Variants in KCNMA1 observed in about 807,000 individuals in gnomAD.
The protein encoded by KCNMA1 is potassium calcium-activated channel subfamily M alpha 1.
Under a neutral mutation model 140.0 loss-of-function variants are expected in KCNMA1, and 29 were observed. The observed-to-expected ratio is 0.21, with a 90% CI of 0.15 to 0.28. KCNMA1 has a LOEUF of 0.28. KCNMA1 is among the 10% of genes least tolerant of loss of function. KCNMA1 has a pLI of 1.00. For synonymous variants in KCNMA1, 612 were observed against 611.9 expected (o/e 1.00, Z 0.00); for missense variants, 880 against 1,602.2 (o/e 0.55, Z 7.70).
intron 2 of KCNMA1, among the ~76,000 whole-genome samples, chr10:77,261,063 T>C (rs959796): frequency 0.18 from 27,906 of 152,068 alleles, 3,345 homozygotes; most frequent in East Asian, 0.42. Context: ...CAGTATTTAT[T>C]AACCACCTGG....
At chr10:77,348,743 G>C (rs1035710785) in intron 2 of KCNMA1, among the ~76,000 whole-genome samples, 10 of 152,216 alleles carry the variant, frequency 6.6e-5, no homozygotes, top group African/African-American at 2.4e-4. Flanking sequence ...TGACAGAACA[G>C]GGCCATCTTC....
chr10:76,876,731 T>C (rs1389498013), downstream of KCNMA1: 3 of 152,214 alleles, frequency 2.0e-5, no homozygotes, highest in African/African-American at 7.2e-5. Context: ...GTGAGAAGAA[T>C]GACTGCCCTC....
intron 1 of KCNMA1, among the ~76,000 whole-genome samples, chr10:77,458,947 T>A (rs554321224): frequency 6.6e-6 from 1 of 152,310 alleles, no homozygotes; most frequent in South Asian, 2.1e-4. Flanking sequence ...ATTTCCATCA[T>A]TACAGAAAAT....
At chr10:76,876,674 C>A (rs2032442535), downstream of KCNMA1, 1 of 152,176 alleles carries the variant, frequency 6.6e-6, no homozygotes, top group Non-Finnish European at 1.5e-5. Flanking sequence ...AAATTAAAAT[C>A]TGTCTCCATG....
At chr10:77,466,946 A>G (rs1426008011) in intron 1 of KCNMA1, among the ~76,000 whole-genome samples, 1 of 151,638 alleles carries the variant, frequency 6.6e-6, no homozygotes, top group Non-Finnish European at 1.5e-5. Context: ...AAAGGGGAGG[A>G]GAGGAAAAGG....
chr10:77,390,027 T>C (rs1482110067), intron 2 of KCNMA1, among the ~76,000 whole-genome samples: 1 of 152,218 alleles, frequency 6.6e-6, no homozygotes, highest in Non-Finnish European at 1.5e-5. Flanking sequence ...TCCTGGTGCC[T>C]AGCACAGGGC....
chr10:77,446,528 C>T (rs995100043), intron 1 of KCNMA1, among the ~76,000 whole-genome samples: 1 of 152,202 alleles, frequency 6.6e-6, no homozygotes, highest in African/African-American at 2.4e-5. Context: ...GTCAGCCGCC[C>T]TAGAAGTCAC....
chr10:77,238,500 C>A (rs2056323472), intron 3 of KCNMA1, among the ~76,000 whole-genome samples: 1 of 152,160 alleles, frequency 6.6e-6, no homozygotes, highest in Non-Finnish European at 1.5e-5. Flanking sequence ...TTAGTGTTGT[C>A]TGTTATTGGA....
chr10:77,198,950 C>T (rs1015922352), intron 3 of KCNMA1, among the ~76,000 whole-genome samples: 1 of 152,140 alleles, frequency 6.6e-6, no homozygotes, highest in African/African-American at 2.4e-5. Flanking sequence ...TGATAGGGAA[C>T]TTAGGTCCAG....
At chr10:77,332,780 C>G (rs971978652) in intron 2 of KCNMA1, among the ~76,000 whole-genome samples, 1 of 152,176 alleles carries the variant, frequency 6.6e-6, no homozygotes, top group Non-Finnish European at 1.5e-5. Flanking sequence ...CACAGAAGTA[C>G]ACAGCTCTCA....
intron 1 of KCNMA1, among the ~76,000 whole-genome samples, chr10:77,427,719 T>C (rs542087736): frequency 2.9e-4 from 31 of 107,266 alleles, no homozygotes; most frequent in South Asian, 1.5e-3. Flanking sequence ...ATCCATCCAT[T>C]CATTTATTTA....
Position 77,637,280 on chromosome 10 carries a change from G to T in KCNMA1, c.363C>A (p.Cys121Ter). The part of the protein sequence containing the change: ...LKYLWTVCCH[C>*]GGKTKEAQKI... Reference sequence around the variant, plus strand: ...CGCGCGTTACCTTCGTCTTGCCCCCGCAGTGGCAGCACACGGTCCACAGGT... The same window carrying T: ...CGCGCGTTACCTTCGTCTTGCCCCCTCAGTGGCAGCACACGGTCCACAGGT... The change falls in exon 1 of 28, where the codon TGC (cysteine) becomes TGA (stop). Residue 121 changes from cysteine (C) to a stop codon, truncating the protein, a stop_gained. Transcript: ENST00000286628. LOFTEE classifies it high-confidence loss of function. The T allele has an allele frequency of 6.2e-7, 1 of 1,608,540 alleles. No individual in the cohort carries two copies. Among genetic ancestry groups the T allele is most frequent in the Non-Finnish European group, 8.5e-7 (1 of 1,176,464 alleles).
chr10:77,522,612 G>C (rs2053865725), intron 1 of KCNMA1, among the ~76,000 whole-genome samples: 1 of 152,174 alleles, frequency 6.6e-6, no homozygotes, highest in African/African-American at 2.4e-5. Context: ...TGAGCTGGCA[G>C]GGGGGCCGGA....
intron 2 of KCNMA1, among the ~76,000 whole-genome samples, chr10:77,368,778 G>C (rs2094511737): frequency 6.6e-6 from 1 of 152,126 alleles, no homozygotes; most frequent in African/African-American, 2.4e-5. Flanking sequence ...ATTGTTCCAA[G>C]ACCATTGTAG....
At chr10:77,515,698 G>A (rs554492972) in intron 1 of KCNMA1, among the ~76,000 whole-genome samples, 29 of 152,236 alleles carry the variant, frequency 1.9e-4, no homozygotes, top group African/African-American at 6.0e-4. Flanking sequence ...TTCACCCCTC[G>A]GCTTTCAGTG....
At chr10:77,472,133 T>G (rs1033413618) in intron 1 of KCNMA1, among the ~76,000 whole-genome samples, 2 of 146,812 alleles carry the variant, frequency 1.4e-5, no homozygotes, top group African/African-American at 5.1e-5. Flanking sequence ...CTGCACACAC[T>G]ACATACCACA....
At chr10:77,537,618 C>T (rs1412521848) in intron 1 of KCNMA1, among the ~76,000 whole-genome samples, 1 of 152,192 alleles carries the variant, frequency 6.6e-6, no homozygotes, top group Non-Finnish European at 1.5e-5. Flanking sequence ...CACCTAAAAT[C>T]CTAATCTCAC....
At chr10:77,602,923 C>T (rs942088157) in intron 1 of KCNMA1, among the ~76,000 whole-genome samples, 2 of 152,176 alleles carry the variant, frequency 1.3e-5, no homozygotes, top group African/African-American at 2.4e-5. Flanking sequence ...CACAATGTAA[C>T]CAAGCCAAGA....
At chr10:77,573,102 A>G (rs1346782988) in intron 1 of KCNMA1, among the ~76,000 whole-genome samples, 1 of 152,220 alleles carries the variant, frequency 6.6e-6, no homozygotes, top group Non-Finnish European at 1.5e-5. Flanking sequence ...GAGCTGGTGT[A>G]GAACTGGATA....
Sources: allele counts gnomAD v4.1 joint callset (sites outside exome capture counted in the v4.1 genomes callset), GRCh38; gene constraint gnomAD v4.1.1; transcripts MANE v1.5; gene names NCBI Gene and HGNC (gene_info 2026-07-23, HGNC 2026-07-21).